Variants in SIN3A observed in about 807,000 individuals in gnomAD.
SIN3A encodes SIN3 transcription regulator family member A.
Under a neutral mutation model 146.1 loss-of-function variants are expected in SIN3A, and 14 were observed. The ratio of observed to expected loss-of-function variants is 0.10; its 90% CI spans 0.06 to 0.15. The LOEUF is 0.15. SIN3A is among the 10% of genes least tolerant of loss of function. The pLI, the probability that SIN3A is intolerant of heterozygous loss-of-function variation, is 1.00. For missense variants in SIN3A, 1,028 were observed against 1,576.0 expected, an observed-to-expected ratio of 0.65 and a Z score of 5.89; for synonymous variants, 572 against 572.0, an observed-to-expected ratio of 1.00 and a Z score of 0.00.
At chr15:75,405,463 A>C (rs989275405) in intron 9 of SIN3A, among the ~76,000 whole-genome samples, 50 of 151,778 alleles carry the variant, frequency 3.3e-4, no homozygotes, top group African/African-American at 1.2e-3. Context: ...TGTCTTAAAA[A>C]TTGGCTATTG....
intron 16 of SIN3A, among the ~76,000 whole-genome samples, chr15:75,388,075 T>A (rs913643033): frequency 6.6e-6 from 1 of 152,158 alleles, no homozygotes; most frequent in South Asian, 2.1e-4. Context: ...GGCAAAAGCA[T>A]GGGTACTTTG....
intron 19 of SIN3A, among the ~76,000 whole-genome samples, chr15:75,379,053 C>G (rs1029723389): frequency 1.3e-5 from 2 of 152,022 alleles, no homozygotes; most frequent in Non-Finnish European, 2.9e-5. Context: ...GCGCCTGCCA[C>G]CATGCCCAGC....
chr15:75,454,612 G>C (rs1197016025), upstream of SIN3A, among the ~76,000 whole-genome samples: 1 of 151,832 alleles, frequency 6.6e-6, no homozygotes, highest in African/African-American at 2.4e-5. Context: ...TCCGAGCGTG[G>C]AGACTGTTTT....
chr15:75,433,780 G>A (rs373190042), intron 1 of SIN3A, among the ~76,000 whole-genome samples: 23 of 152,202 alleles, frequency 1.5e-4, no homozygotes, highest in African/African-American at 5.5e-4. Flanking sequence ...CTGCACTCCA[G>A]CCTGGGCGAC....
intron 17 of SIN3A, among the ~76,000 whole-genome samples, chr15:75,382,134 T>G (rs376963144): frequency 1.5e-4 from 23 of 152,344 alleles, no homozygotes; most frequent in African/African-American, 5.5e-4. Context: ...GAAGGAAACC[T>G]GAGAATTTTT....
chr15:75,433,524 T>C (rs2074051041), intron 1 of SIN3A, among the ~76,000 whole-genome samples: 1 of 152,150 alleles, frequency 6.6e-6, no homozygotes, highest in Non-Finnish European at 1.5e-5. Flanking sequence ...CTACAGAGGC[T>C]GAACTTTCTC....
intron 16 of SIN3A, 111 bp downstream of exon 16, chr15:75,389,541 A>G: frequency 9.9e-7 from 1 of 1,007,284 alleles, no homozygotes; most frequent in South Asian, 1.5e-5. Flanking sequence ...TCAGAACCCT[A>G]CGTTCATAAA....
intron 19 of SIN3A, among the ~76,000 whole-genome samples, chr15:75,379,796 T>C (rs2072930994): frequency 6.6e-6 from 1 of 152,230 alleles, no homozygotes; most frequent in Non-Finnish European, 1.5e-5. Context: ...TGTTTTCATA[T>C]ACTTGGAGGA....
At position 75,442,120 on chromosome 15, in the gene SIN3A, CAAAAAAAAAAAAAAA is replaced by C. The variant is rs57418865; in HGVS notation, c.-34+9288_-34+9302del. Among the ~76,000 whole-genome samples, 268 of 29,292 alleles carry C rather than the reference CAAAAAAAAAAAAAAA, an allele frequency of 9.1e-3. 12 individuals are homozygous for C. The highest frequency in any genetic ancestry group is 0.019 in the Admixed American group (27 of 1,444). The allele number at this position is 29,292 out of a possible 152,430, so 19.2% of individuals were successfully genotyped here. A position where few individuals can be genotyped will look rare whatever the true frequency, so the allele number is the denominator to read the frequency against. On this transcript the variant is annotated intron_variant, in intron 1 of 20. Transcript: ENST00000394947. Reference sequence around the variant, plus strand: ...GGGTAACAAGAGTGAGACTCTGTCTCAAAAAAAAAAAAAAAAAAAAAAAAAAAAAAAAACTGATTT... The same window carrying C: ...GGGTAACAAGAGTGAGACTCTGTCTCAAAAAAAAAAAAAAAAAACTGATTT...
intron 15 of SIN3A, among the ~76,000 whole-genome samples, chr15:75,391,502 T>TAAAAAAA: frequency 7.7e-6 from 1 of 129,648 alleles, no homozygotes. Flanking sequence ...CAGCAACACA[T>TAAAAAAA]AAAAAAAAAA....
chr15:75,420,380 T>C (rs1341590670), intron 3 of SIN3A: 1 of 151,412 alleles, frequency 6.6e-6, no homozygotes, highest in Non-Finnish European at 1.5e-5. Context: ...TGAACATTTC[T>C]TTTTTTTTGT....
chr15:75,448,813 G>A (rs962325415), intron 1 of SIN3A, among the ~76,000 whole-genome samples: 2 of 152,042 alleles, frequency 1.3e-5, no homozygotes, highest in African/African-American at 4.8e-5. Context: ...TCCCACTGAA[G>A]ATGTAAAAAG....
At chr15:75,378,161 T>A (rs1439992441) in intron 19 of SIN3A, among the ~76,000 whole-genome samples, 2 of 152,128 alleles carry the variant, frequency 1.3e-5, no homozygotes, top group African/African-American at 2.4e-5. Flanking sequence ...AGTTACAAAA[T>A]CATAGAGGAA....
intron 1 of SIN3A, among the ~76,000 whole-genome samples, chr15:75,439,176 G>C (rs894397919): frequency 6.6e-6 from 1 of 152,064 alleles, no homozygotes; most frequent in Non-Finnish European, 1.5e-5. Flanking sequence ...GTCACAACTC[G>C]GGAAGATGGA....
chr15:75,385,795 G>A (rs1395538197), intron 16 of SIN3A, among the ~76,000 whole-genome samples: 2 of 152,186 alleles, frequency 1.3e-5, no homozygotes, highest in East Asian at 3.9e-4. Flanking sequence ...TGAAAGGTCA[G>A]AACGGTGACT....
intron 1 of SIN3A, among the ~76,000 whole-genome samples, chr15:75,442,668 G>A (rs999409528): frequency 6.8e-6 from 1 of 147,772 alleles, no homozygotes. Flanking sequence ...GGTGGCTCAC[G>A]ACTGTAATCC....
chr15:75,399,545 C>CA (rs368641515), intron 12 of SIN3A, among the ~76,000 whole-genome samples: 5 of 66,356 alleles, frequency 7.5e-5, no homozygotes, highest in South Asian at 5.6e-4. Flanking sequence ...CAAAACAAAA[C>CA]AAACAAACAA....
At chr15:75,396,529 G>T (rs1463417841) in intron 12 of SIN3A, 33 bp from the exon 13 acceptor site, 1 of 1,463,488 alleles carries the variant, frequency 6.8e-7, no homozygotes, top group Non-Finnish European at 9.5e-7. Flanking sequence ...GTATGCTCAG[G>T]ACCCAAATCA....
rs1162626394 is a variant in SIN3A, at chr15:75,407,142, C to T, written c.1320G>A (p.Lys440=). ...CCTTCAGATTGAGCAGTTTGGGTTT[C>T]TTCTGCAAAAGAAAGATACAAACAT... ...HPTGTTPPVK[K]KPKLLNLKDS... Residue 440 remains lysine (K), a splice_region_variant and synonymous_variant, in exon 9 of 21, where the codon AAG becomes AAA. Transcript: ENST00000394947. 1.2e-6 allele frequency: 2 copies of T among 1,604,618 alleles called. No individual in the cohort carries two copies. Among genetic ancestry groups the T allele is most frequent in the East Asian group, 2.2e-5 (1 of 44,736 alleles).
Sources: allele counts gnomAD v4.1 joint callset (sites outside exome capture counted in the v4.1 genomes callset), GRCh38; gene constraint gnomAD v4.1.1; transcripts MANE v1.5; gene names NCBI Gene and HGNC (gene_info 2026-07-23, HGNC 2026-07-21).